EEPD1: variants seen among roughly 807,000 people sequenced by gnomAD.
EEPD1 encodes endonuclease/exonuclease/phosphatase family domain containing 1.
A neutral mutation model predicts 46.3 loss-of-function variants in EEPD1; 17 were observed. The ratio of observed to expected loss-of-function variants is 0.37; its 90% CI spans 0.25 to 0.55. The LOEUF is 0.55. EEPD1 is among the 20% of genes least tolerant of loss of function. EEPD1 has a pLI of 0.83. For synonymous variants in EEPD1, 313 were observed against 315.6 expected, an observed-to-expected ratio of 0.99 and a Z score of 0.09; for missense variants, 673 against 745.6, an observed-to-expected ratio of 0.90 and a Z score of 1.13.
rs76855978 is a variant in EEPD1 at position 36,233,409 on chromosome 7, A to C, written c.879-5576A>C. ...TTACCCATTCAGGCTGGAATGTATGAGCTATGATAGCAACTTGGCCTGAAG... is the reference window on the plus strand; with the variant it reads ...TTACCCATTCAGGCTGGAATGTATGCGCTATGATAGCAACTTGGCCTGAAG... On this transcript the variant is annotated intron_variant, in intron 2 of 7. Coordinates refer to ENST00000242108, the MANE Select transcript of EEPD1 (RefSeq NM_030636.3). Among the ~76,000 whole-genome samples the C allele has an allele frequency of 4.6e-5, 7 of 152,366 alleles. No homozygotes were observed. The East Asian group carries it at 1.3e-3, about 29-fold the overall frequency.
intron 3 of EEPD1, among the ~76,000 whole-genome samples, chr7:36,241,336 A>G (rs1786550668): frequency 6.6e-6 from 1 of 151,618 alleles, no homozygotes; most frequent in South Asian, 2.1e-4. Context: ...TTAGCTGGGC[A>G]TGGTGGTGCA....
At chr7:36,186,104 G>A (rs1562678204) in intron 2 of EEPD1, among the ~76,000 whole-genome samples, 2 of 152,092 alleles carry the variant, frequency 1.3e-5, no homozygotes, top group Non-Finnish European at 2.9e-5. Flanking sequence ...TAGAAAACTA[G>A]CAAAATATGA....
chr7:36,202,318 A>G (rs922955430), intron 2 of EEPD1, among the ~76,000 whole-genome samples: 1 of 152,102 alleles, frequency 6.6e-6, no homozygotes, highest in Non-Finnish European at 1.5e-5. Flanking sequence ...ACAGCCTAGA[A>G]TTTCAGCCAG....
chr7:36,198,485 G>A (rs977383701), intron 2 of EEPD1, among the ~76,000 whole-genome samples: 4 of 149,212 alleles, frequency 2.7e-5, no homozygotes, highest in Non-Finnish European at 5.9e-5. Flanking sequence ...TGTATATATG[G>A]CCCATTATTG....
At chr7:36,192,933 G>C (rs1165391664) in intron 2 of EEPD1, among the ~76,000 whole-genome samples, 1 of 152,224 alleles carries the variant, frequency 6.6e-6, no homozygotes, top group East Asian at 1.9e-4. Flanking sequence ...CAGGTGGAAG[G>C]CTGTGCAGGG....
chr7:36,298,085 T>C (rs2115907170), intron 7 of EEPD1, among the ~76,000 whole-genome samples: 1 of 152,334 alleles, frequency 6.6e-6, no homozygotes, highest in South Asian at 2.1e-4. Flanking sequence ...ACTAGTTTCC[T>C]GTTGTACTCT....
intron 4 of EEPD1, 90 bp downstream of exon 4, chr7:36,281,315 C>CA: frequency 8.7e-6 from 10 of 1,147,340 alleles, no homozygotes; most frequent in Non-Finnish European, 1.3e-5. Flanking sequence ...TTTCCTTTGC[C>CA]AATATCCCCG....
At chr7:36,296,911 A>G (rs577655317) in intron 6 of EEPD1, 82 bp from the exon 7 acceptor site, 2 of 1,430,134 alleles carry the variant, frequency 1.4e-6, no homozygotes, top group Non-Finnish European at 1.9e-6. Flanking sequence ...GAGAATCTCA[A>G]TCCCGTTTCA....
intron 2 of EEPD1, among the ~76,000 whole-genome samples, chr7:36,160,547 G>A: frequency 6.6e-6 from 1 of 152,142 alleles, no homozygotes; most frequent in Middle Eastern, 3.2e-3. Context: ...TGGGGCCGCA[G>A]AGCAAGGCCA....
intron 2 of EEPD1, among the ~76,000 whole-genome samples, chr7:36,177,319 A>G (rs1184665571): frequency 5.9e-5 from 9 of 151,626 alleles, no homozygotes; most frequent in Admixed American, 5.3e-4. Flanking sequence ...GGTTTGTTAC[A>G]TGGGTATATT....
intron 7 of EEPD1, among the ~76,000 whole-genome samples, chr7:36,297,690 G>A (rs1787549249): frequency 6.6e-6 from 1 of 152,176 alleles, no homozygotes; most frequent in Admixed American, 6.5e-5. Context: ...ATGCTATGAG[G>A]TGGACATGCT....
At chr7:36,153,987 C>T (rs965140953) in intron 1 of EEPD1, 146 bp from the exon 2 acceptor site, 2 of 362,936 alleles carry the variant, frequency 5.5e-6, no homozygotes, top group Non-Finnish European at 1.0e-5. Flanking sequence ...CCACATGGGC[C>T]TAGCCTCATT....
At chr7:36,183,541 T>TTGTTCTGAATAACTATTA (rs1241359296) in intron 2 of EEPD1, among the ~76,000 whole-genome samples, 3 of 152,182 alleles carry the variant, frequency 2.0e-5, no homozygotes, top group Non-Finnish European at 4.4e-5. Flanking sequence ...GAGAACTGCT[T>TTGTTCTGAATAACTATTA]TGTTCTGAAT....
chr7:36,215,009 T>A (rs1003565824), intron 2 of EEPD1, among the ~76,000 whole-genome samples: 1 of 152,110 alleles, frequency 6.6e-6, no homozygotes, highest in African/African-American at 2.4e-5. Flanking sequence ...AGTGAGGAGC[T>A]CCTGGGCCCC....
At chr7:36,194,299 C>T (rs1785536238) in intron 2 of EEPD1, among the ~76,000 whole-genome samples, 1 of 152,180 alleles carries the variant, frequency 6.6e-6, no homozygotes, top group Admixed American at 6.5e-5. Flanking sequence ...GGAAGAAATC[C>T]TTGAATGAAT....
intron 2 of EEPD1, among the ~76,000 whole-genome samples, chr7:36,185,822 CT>C (rs1220528653): frequency 2.6e-5 from 4 of 152,180 alleles, no homozygotes; most frequent in Non-Finnish European, 4.4e-5. Flanking sequence ...TGTCGGTAAG[CT>C]TTGCAGACAT....
chr7:36,208,843 A>G (rs545317790), intron 2 of EEPD1, among the ~76,000 whole-genome samples: 15 of 152,294 alleles, frequency 9.8e-5, no homozygotes, highest in African/African-American at 3.6e-4. Context: ...TCACCTGGGA[A>G]CTTGTTAGGA....
chr7:36,220,291 T>C (rs180806909), intron 2 of EEPD1, among the ~76,000 whole-genome samples: 1 of 152,254 alleles, frequency 6.6e-6, no homozygotes, highest in East Asian at 1.9e-4. Flanking sequence ...TGGCTCCTTC[T>C]TGGGTGAAAG....
At chr7:36,294,267 A>G (rs1787489891) in intron 6 of EEPD1, among the ~76,000 whole-genome samples, 1 of 152,214 alleles carries the variant, frequency 6.6e-6, no homozygotes, top group African/African-American at 2.4e-5. Context: ...ATTTTAAATG[A>G]AAGAATATTA....
Sources: allele counts gnomAD v4.1 joint callset (sites outside exome capture counted in the v4.1 genomes callset), GRCh38; gene constraint gnomAD v4.1.1; transcripts MANE v1.5; gene names NCBI Gene and HGNC (gene_info 2026-07-23, HGNC 2026-07-21).